The following TDRD12 variants were observed in gnomAD, a reference collection of about 807,000 sequenced individuals.
The protein encoded by TDRD12 is putative ATP-dependent RNA helicase TDRD12.
In TDRD12, 158 loss-of-function variants were observed where a neutral mutation model predicts 133.5. The observed-to-expected ratio is 1.18, with a 90% CI of 1.04 to 1.35. The LOEUF is 1.35. Ranked by LOEUF, TDRD12 falls within the 40% of genes most tolerant of loss-of-function variation. The pLI is 0.00. For missense variants in TDRD12, 1,443 were observed against 1,321.3 expected, an observed-to-expected ratio of 1.09 and a Z score of -1.43; for synonymous variants, 460 against 477.9, an observed-to-expected ratio of 0.96 and a Z score of 0.49.
At chr19:32,777,388 G>A (rs544361501) in intron 11 of TDRD12, among the ~76,000 whole-genome samples, 159 bp downstream of exon 11, 3 of 152,032 alleles carry the variant, frequency 2.0e-5, no homozygotes, top group Non-Finnish European at 4.4e-5. Flanking sequence ...GTTAATTTTT[G>A]CTTTTCCATC....
chr19:32,827,074 A>T lies in TDRD12; in HGVS notation c.1050-90A>T, dbSNP rs1327597327. 6.2e-6 allele frequency: 4 copies of T among 649,604 alleles called. No individual in the cohort carries two copies. In the East Asian group the frequency reaches 1.4e-4, roughly 22 times the overall value. The allele number at this position is 649,604 out of a possible 1,614,324, so 40.2% of individuals were successfully genotyped here. A position where few individuals can be genotyped will look rare whatever the true frequency, so the allele number is the denominator to read the frequency against. On this transcript the variant is annotated intron_variant, in intron 9 of 9. Transcript: ENST00000637289. ...GATACATAGAGCTGGAACCCAAGGC[A>T]TTTTTTTCTGCATTGACCCAAATAA...
chr19:32,725,284 G>A (rs764010715), intron 1 of TDRD12, among the ~76,000 whole-genome samples: 14 of 151,004 alleles, frequency 9.3e-5, no homozygotes, highest in Non-Finnish European at 1.6e-4. Context: ...AATCGTTGCC[G>A]TTGCCTATGT....
chr19:32,738,955 G>A lies in TDRD12; in HGVS notation c.283G>A (p.Val95Met), dbSNP rs201742920. The change falls in exon 3 of 28, where the codon GTG becomes ATG. Residue 95 changes from valine (V) to methionine (M), a missense_variant. Physicochemically the swap from Val to Met is conservative, Grantham distance 21. Transcript: ENST00000444215. ...CCAGTACCTGGCAGAATGTTTCCTT[G>A]TGGACTTTGCCAAGAACATTCCAGT... 285 of 1,550,778 alleles carry A rather than the reference G, an allele frequency of 1.8e-4. No homozygotes were observed. The highest frequency in any genetic ancestry group is 2.3e-4 in the Non-Finnish European group (261 of 1,146,982).
At chr19:32,771,661 A>T (rs188351691) in intron 8 of TDRD12, among the ~76,000 whole-genome samples, 1 of 149,868 alleles carries the variant, frequency 6.7e-6, no homozygotes, top group East Asian at 2.0e-4. Context: ...TTGAGAGCTT[A>T]TCTTGCATGA....
chr19:32,759,763 C>T (rs1970099745), intron 8 of TDRD12, among the ~76,000 whole-genome samples: 1 of 152,116 alleles, frequency 6.6e-6, no homozygotes, highest in African/African-American at 2.4e-5. Flanking sequence ...GGCTGAATTC[C>T]CTTTCTAGGT....
At chr19:32,777,720 C>T (rs1970621110) in intron 11 of TDRD12, among the ~76,000 whole-genome samples, 1 of 149,714 alleles carries the variant, frequency 6.7e-6, no homozygotes, top group African/African-American at 2.5e-5. Flanking sequence ...TCACAGCTCA[C>T]TGCAGCTTCG....
Position 32,720,103 on chromosome 19 carries a change from G to A in TDRD12, c.24+7G>A, listed in dbSNP as rs1303307167. On this transcript the variant is annotated splice_region_variant and intron_variant, in intron 1 of 27. Coordinates refer to ENST00000444215, the Ensembl canonical transcript of TDRD12. ...CCAGCTCCTGGTGCTGAAGGTGAGC[G>A]CCGCCAAGCCAGACCCACGCCAGAC... 5 of 1,547,496 alleles carry A rather than the reference G, an allele frequency of 3.2e-6. No homozygotes were observed. Among genetic ancestry groups the A allele is most frequent in the South Asian group, 1.2e-5 (1 of 83,978 alleles).
At chr19:32,778,207 CAG>C (rs1024903679) in intron 11 of TDRD12, among the ~76,000 whole-genome samples, 14 of 151,890 alleles carry the variant, frequency 9.2e-5, no homozygotes, top group Non-Finnish European at 2.9e-5. Context: ...CCCAGCTTCC[CAG>C]AGGCCATGCT....
Position 32,808,983 on chromosome 19 carries a change from C to A in TDRD12, c.2653-1110C>A, listed in dbSNP as rs1460421387. On this transcript the variant is annotated intron_variant, in intron 22 of 27. Transcript: ENST00000444215. Reference sequence around the variant, plus strand: ...TATACATTTTGTTATTTTATGATGACTTCATATCGGATTTGACCTTGTTAC... The same window carrying A: ...TATACATTTTGTTATTTTATGATGAATTCATATCGGATTTGACCTTGTTAC... Among the ~76,000 whole-genome samples the A allele has an allele frequency of 3.3e-5, 5 of 152,064 alleles. No individual in the cohort carries two copies. The East Asian group carries it at 9.6e-4, about 29-fold the overall frequency.
Position 32,770,749 on chromosome 19 carries a change from G to C in TDRD12, c.866-2004G>C, listed in dbSNP as rs576942593. Among the ~76,000 whole-genome samples, 5 of 152,270 alleles carry C rather than the reference G, an allele frequency of 3.3e-5. No individual in the cohort carries two copies. In the South Asian group the frequency reaches 1.0e-3, roughly 32 times the overall value. On this transcript the variant is annotated intron_variant, in intron 8 of 27. Transcript: ENST00000444215. Reference sequence around the variant, plus strand: ...TGAAAAGGGGGAAATAATTGTGCCCGTAGAGAAATCACATGGAATTCAATA... The same window carrying C: ...TGAAAAGGGGGAAATAATTGTGCCCCTAGAGAAATCACATGGAATTCAATA...
At chr19:32,787,158 G>T (rs747464474) in intron 11 of TDRD12, among the ~76,000 whole-genome samples, 8 of 152,092 alleles carry the variant, frequency 5.3e-5, no homozygotes, top group Non-Finnish European at 2.9e-5. Flanking sequence ...TTTCTGTTTG[G>T]TAGTTTTCCT....
intron 7 of TDRD12, among the ~76,000 whole-genome samples, chr19:32,756,479 C>A (rs189599281): frequency 1.3e-5 from 2 of 151,502 alleles, no homozygotes; most frequent in Non-Finnish European, 2.9e-5. Flanking sequence ...GCTCCTCCCC[C>A]CAGGTTCACA....
intron 2 of TDRD12, among the ~76,000 whole-genome samples, chr19:32,732,370 G>T (rs1599832316): frequency 6.6e-6 from 1 of 152,194 alleles, no homozygotes. Flanking sequence ...CGCCATGTAA[G>T]GTCCATGTGG....
intron 11 of TDRD12, among the ~76,000 whole-genome samples, chr19:32,777,686 T>A (rs1000641445): frequency 9.3e-5 from 14 of 150,520 alleles, no homozygotes; most frequent in Non-Finnish European, 2.1e-4. Flanking sequence ...CCTCTGTCAT[T>A]TAGGCTGGAG....
intron 22 of TDRD12, among the ~76,000 whole-genome samples, chr19:32,809,277 T>C (rs1293368486): frequency 6.6e-6 from 1 of 152,164 alleles, no homozygotes; most frequent in Non-Finnish European, 1.5e-5. Context: ...CTTCACCCAC[T>C]GTGGAGGCAG....
chr19:32,733,646 A>G lies in TDRD12; in HGVS notation c.183+1763A>G, dbSNP rs116511621. Among the ~76,000 whole-genome samples the G allele has an allele frequency of 3.1e-3, 475 of 152,232 alleles. 3 individuals carry two copies. Among genetic ancestry groups the G allele is most frequent in the African/African-American group, 0.011 (437 of 41,550 alleles). On this transcript the variant is annotated intron_variant, in intron 2 of 27. Coordinates refer to ENST00000444215, the Ensembl canonical transcript of TDRD12. ...GATGCTGAGATTGACCAGAGGGGAC[A>G]TCCTGACCCTCCTTGTGGCCTTACC...
intron 1 of TDRD12, 148 bp downstream of exon 1, chr19:32,720,244 C>G: frequency 1.5e-6 from 1 of 685,242 alleles, no homozygotes; most frequent in Non-Finnish European, 2.4e-6. Context: ...CCGACCCCAA[C>G]CCTACACAGC....
At chr19:32,801,317 A>C (rs1971383106) in intron 18 of TDRD12, among the ~76,000 whole-genome samples, 1 of 152,238 alleles carries the variant, frequency 6.6e-6, no homozygotes, top group South Asian at 2.1e-4. Flanking sequence ...TATTTTGTAC[A>C]TATTAGTGCT....
At chr19:32,806,054 C>T (rs1048031407) in intron 21 of TDRD12, among the ~76,000 whole-genome samples, 3 of 151,642 alleles carry the variant, frequency 2.0e-5, no homozygotes, top group African/African-American at 7.3e-5. Flanking sequence ...TTAGAATGAG[C>T]CTGTTAGTGT....
Sources: gnomAD v4.1 joint callset for allele counts (sites outside exome capture counted in the v4.1 genomes callset) on GRCh38, gnomAD v4.1.1 for gene constraint, MANE v1.5 for transcripts, NCBI Gene and HGNC (gene_info 2026-07-23, HGNC 2026-07-21) for gene names.